Variants in XKR9 observed in about 807,000 individuals in gnomAD.
XKR9 encodes XK-related protein 9.
A neutral mutation model predicts 32.0 loss-of-function variants in XKR9; 32 were observed. The ratio of observed to expected loss-of-function variants is 1.00; its 90% confidence interval spans 0.76 to 1.34. The LOEUF is 1.34. XKR9 is among the 40% of genes most tolerant of loss of function. The pLI is 0.00. For synonymous variants in XKR9, 168 were observed against 143.4 expected (o/e 1.17, Z -1.22); for missense variants, 546 against 429.7 (o/e 1.27, Z -2.39).
the XKR9 span, among the ~76,000 whole-genome samples, chr8:70,864,874 AC>A: frequency 6.6e-6 from 1 of 152,020 alleles, no homozygotes; most frequent in African/African-American, 2.4e-5. Context: ...TAAAGTTTTA[AC>A]CCCAGCACCA....
intron 2 of XKR9, among the ~76,000 whole-genome samples, chr8:70,764,644 A>G (rs1047916544): frequency 6.6e-6 from 1 of 152,132 alleles, no homozygotes. Context: ...CAGAATGTGT[A>G]GGTTTGTTAC....
rs543559643 is a variant in XKR9 at position 70,671,312 on chromosome 8, G to GA, written c.-361+1778dup. Among the ~76,000 whole-genome samples the GA allele has an allele frequency of 1.6e-4, 23 of 145,060 alleles. No individual in the cohort carries two copies. The East Asian group carries it at 4.9e-3, about 31-fold the overall frequency. On this transcript the variant is annotated intron_variant, in intron 1 of 4. Transcript: ENST00000408926. ...AATCTCTAGTTCCATCCATGTTGCT[G>GA]AAAATGACATGATCTCATTTTTTTT...
At chr8:70,828,106 T>C in the XKR9 span, among the ~76,000 whole-genome samples, 3 of 152,238 alleles carry the variant, frequency 2.0e-5, no homozygotes, top group African/African-American at 7.2e-5. Flanking sequence ...AGCAACTGAC[T>C]GAACGAAGTT....
the XKR9 span, among the ~76,000 whole-genome samples, chr8:70,958,364 T>G: frequency 6.6e-6 from 1 of 151,916 alleles, no homozygotes; most frequent in Non-Finnish European, 1.5e-5. Context: ...CCAGCATCTG[T>G]TGTTTTTTGA....
chr8:70,712,522 C>T (rs1329687883), intron 4 of XKR9, among the ~76,000 whole-genome samples: 9 of 151,988 alleles, frequency 5.9e-5, no homozygotes, highest in South Asian at 2.1e-4. Context: ...AAATTATAAT[C>T]CATAAAACTG....
the XKR9 span, among the ~76,000 whole-genome samples, chr8:70,887,219 G>A: frequency 6.6e-6 from 1 of 152,168 alleles, no homozygotes; most frequent in Non-Finnish European, 1.5e-5. Context: ...ATTTGTCAAA[G>A]ATCAGATGGT....
intron 3 of XKR9, among the ~76,000 whole-genome samples, chr8:70,689,306 T>C (rs62530772): frequency 0.4 from 61,076 of 151,554 alleles, 13,854 homozygotes; most frequent in Non-Finnish European, 0.52. Context: ...AGATATTATT[T>C]CTCATTTACT....
intron 3 of XKR9, chr8:70,683,505 T>TTTA: frequency 2.3e-6 from 1 of 441,376 alleles, no homozygotes; most frequent in Non-Finnish European, 4.5e-6. Context: ...TTTTTTTTTT[T>TTTA]GAGACAGGGC....
chr8:70,763,181 A>T (rs1807330582), intron 2 of XKR9, among the ~76,000 whole-genome samples: 1 of 152,072 alleles, frequency 6.6e-6, no homozygotes, highest in Non-Finnish European at 1.5e-5. Flanking sequence ...GGTCTTTGAT[A>T]GTATAGTCTC....
the XKR9 span, among the ~76,000 whole-genome samples, chr8:70,800,739 G>T: frequency 1.3e-5 from 2 of 152,178 alleles, no homozygotes; most frequent in African/African-American, 4.8e-5. Flanking sequence ...GCCCGCCTCA[G>T]CCTCCCGAAG....
chr8:70,713,085 A>G (rs1404598609), intron 4 of XKR9, among the ~76,000 whole-genome samples: 1 of 152,156 alleles, frequency 6.6e-6, no homozygotes, highest in African/African-American at 2.4e-5. Context: ...ACAGAAAACT[A>G]TTAAAAATGA....
chr8:70,747,039 A>G (rs1011259426), intron 2 of XKR9, among the ~76,000 whole-genome samples: 1 of 152,022 alleles, frequency 6.6e-6, no homozygotes, highest in African/African-American at 2.4e-5. Flanking sequence ...GTGTTAATTC[A>G]CTTACGATAA....
the XKR9 span, among the ~76,000 whole-genome samples, chr8:70,806,589 G>A: frequency 6.6e-6 from 1 of 152,066 alleles, no homozygotes; most frequent in Non-Finnish European, 1.5e-5. Context: ...TCATGGAGCT[G>A]GAAAACACAG....
chr8:70,898,373 T>C, the XKR9 span, among the ~76,000 whole-genome samples: 32 of 152,344 alleles, frequency 2.1e-4, no homozygotes, highest in African/African-American at 7.5e-4. Flanking sequence ...TTTGGTCTTT[T>C]TGCGCAGGAC....
At chr8:70,944,334 T>C in the XKR9 span, among the ~76,000 whole-genome samples, 6 of 152,284 alleles carry the variant, frequency 3.9e-5, no homozygotes, top group Admixed American at 3.9e-4. Flanking sequence ...AGAGAACAAA[T>C]GATTTTGCCA....
At chr8:70,929,019 C>T in the XKR9 span, among the ~76,000 whole-genome samples, 1 of 152,294 alleles carries the variant, frequency 6.6e-6, no homozygotes, top group South Asian at 2.1e-4. Flanking sequence ...CCAATGTGAG[C>T]ATCTTGAAGG....
At chr8:70,687,820 T>C (rs1266742270) in intron 3 of XKR9, among the ~76,000 whole-genome samples, 1 of 152,236 alleles carries the variant, frequency 6.6e-6, no homozygotes, top group South Asian at 2.1e-4. Flanking sequence ...CATACTCTTA[T>C]GATTTCAATC....
At chr8:70,737,163 C>T (rs1200758507), downstream of XKR9, among the ~76,000 whole-genome samples, 2 of 138,352 alleles carry the variant, frequency 1.4e-5, no homozygotes, top group African/African-American at 2.6e-5. Context: ...GTTTGTAGTT[C>T]TCCTTGAAGA....
chr8:70,948,520 T>C, the XKR9 span, among the ~76,000 whole-genome samples: 4 of 151,952 alleles, frequency 2.6e-5, no homozygotes, highest in African/African-American at 9.7e-5. Flanking sequence ...GAATCTGCAG[T>C]GAATTAGAAA....
Sources: gnomAD v4.1 joint callset for allele counts (sites outside exome capture counted in the v4.1 genomes callset) on GRCh38, gnomAD v4.1.1 for gene constraint, MANE v1.5 for transcripts, NCBI Gene and HGNC (gene_info 2026-07-23, HGNC 2026-07-21) for gene names.